SPPL2A: variants seen among roughly 807,000 people sequenced by gnomAD.
SPPL2A encodes signal peptide peptidase-like 2A.
SPPL2A carries 51 observed loss-of-function variants against 63.8 expected under a neutral mutation model. The observed-to-expected ratio is 0.80, with a 90% CI of 0.64 to 1.01. SPPL2A has a LOEUF of 1.01. Ranked by LOEUF, SPPL2A falls within the 50% of genes least tolerant of loss-of-function variation. The pLI, the probability that SPPL2A is intolerant of heterozygous loss-of-function variation, is 0.00. For missense variants in SPPL2A, 553 were observed against 622.7 expected, an observed-to-expected ratio of 0.89 and a Z score of 1.19; for synonymous variants, 188 against 205.8, an observed-to-expected ratio of 0.91 and a Z score of 0.74.
intron 2 of SPPL2A, among the ~76,000 whole-genome samples, 159 bp downstream of exon 2, chr15:50,749,475 AAG>A (rs2062888363): frequency 6.6e-6 from 1 of 152,070 alleles, no homozygotes; most frequent in East Asian, 1.9e-4. Context: ...TTTAGTAGAG[AAG>A]GGGTTTCACC....
chr15:50,761,813 G>C (rs2063013868), intron 1 of SPPL2A, among the ~76,000 whole-genome samples: 1 of 151,254 alleles, frequency 6.6e-6, no homozygotes, highest in Non-Finnish European at 1.5e-5. Flanking sequence ...ACGTGCACCT[G>C]TAATCCTACT....
intron 14 of SPPL2A, among the ~76,000 whole-genome samples, chr15:50,709,869 G>A (rs2062543184): frequency 6.6e-6 from 1 of 152,104 alleles, no homozygotes; most frequent in African/African-American, 2.4e-5. Flanking sequence ...ACCATTTTGA[G>A]GTCTTCTAAT....
chr15:50,732,858 G>A (rs1356274117), intron 8 of SPPL2A, among the ~76,000 whole-genome samples, 174 bp from the exon 9 acceptor site: 1 of 151,214 alleles, frequency 6.6e-6, no homozygotes, highest in Admixed American at 6.6e-5. Context: ...GCATGATCTC[G>A]GCTAACTGCA....
chr15:50,765,017 A>G (rs1217726435), intron 1 of SPPL2A, among the ~76,000 whole-genome samples: 9 of 152,078 alleles, frequency 5.9e-5, no homozygotes, highest in Non-Finnish European at 1.2e-4. Flanking sequence ...TAGTGCAATT[A>G]AAGTGCAGTC....
Position 50,748,196 on chromosome 15 carries a change from G to T in SPPL2A, c.367C>A (p.Pro123Thr). Residue 123 changes from proline (P) to threonine (T), a missense_variant, in exon 4 of 15, where the codon CCC (proline) becomes ACC (threonine). By Grantham distance (38) the Pro-to-Thr change is conservative. Coordinates refer to ENST00000261854, the MANE Select transcript of SPPL2A (RefSeq NM_032802.4). ...GGAAATTCAGATCTGTTACCTGAGGGAGGAAACTAAAAAAGAAAAAATTAT... is the reference window on the plus strand; with the variant it reads ...GGAAATTCAGATCTGTTACCTGAGGTAGGAAACTAAAAAAGAAAAAATTAT... The part of the protein sequence containing the change: ...LVVNNSVLFP[P>T]SGNRSEFPDV... 6 of 1,445,586 alleles carry T rather than the reference G, an allele frequency of 4.2e-6. No homozygotes were observed. Among genetic ancestry groups the T allele is most frequent in the African/African-American group, 1.5e-5 (1 of 68,292 alleles). The allele number at this position is 1,445,586 out of a possible 1,614,324, so 89.5% of individuals were successfully genotyped here.
At chr15:50,713,440 T>C (rs2062575867) in intron 14 of SPPL2A, among the ~76,000 whole-genome samples, 1 of 151,930 alleles carries the variant, frequency 6.6e-6, no homozygotes, top group Non-Finnish European at 1.5e-5. Context: ...AATTTTTGTA[T>C]TTTTAGTAGA....
chr15:50,765,542 TG>T lies in SPPL2A; in HGVS notation c.-10del. 1 of 1,489,268 alleles carries T rather than the reference TG, an allele frequency of 6.7e-7. No individual in the cohort carries two copies. Among genetic ancestry groups the T allele is most frequent in the Non-Finnish European group, 8.9e-7 (1 of 1,127,272 alleles). The allele number at this position is 1,489,268 out of a possible 1,614,324, so 92.3% of individuals were successfully genotyped here. On this transcript the variant is annotated 5_prime_UTR_variant, in exon 1 of 15. Transcript: ENST00000261854. ...CGCCGCTGCGGCCCCATCGGACTGGTGGGTGCCGGGTGGGACGGCACGGTGC... is the reference window on the plus strand; with the variant it reads ...CGCCGCTGCGGCCCCATCGGACTGGTGGTGCCGGGTGGGACGGCACGGTGC...
chr15:50,744,733 T>C (rs1324717853), intron 5 of SPPL2A, among the ~76,000 whole-genome samples: 1 of 152,224 alleles, frequency 6.6e-6, no homozygotes, highest in Non-Finnish European at 1.5e-5. Flanking sequence ...TGAGTCTTTT[T>C]GTTTAAACTG....
At chr15:50,718,995 G>A (rs2062622188) in intron 14 of SPPL2A, among the ~76,000 whole-genome samples, 1 of 152,024 alleles carries the variant, frequency 6.6e-6, no homozygotes, top group African/African-American at 2.4e-5. Flanking sequence ...CCATGGCCCT[G>A]ACCTCAATAG....
chr15:50,744,922 CT>C (rs1037910413), intron 5 of SPPL2A, among the ~76,000 whole-genome samples: 10 of 152,128 alleles, frequency 6.6e-5, no homozygotes, highest in African/African-American at 2.2e-4. Flanking sequence ...ATCATTTCCC[CT>C]AATCTGCATA....
chr15:50,704,588 G>A lies in SPPL2A; in HGVS notation c.*3212C>T, dbSNP rs1218536059. On this transcript the variant is annotated 3_prime_UTR_variant, in exon 15 of 15. Transcript: ENST00000261854. ...CAGTGTATCATTATTTTAAAGACATGTTTAGGGAAAAAACCAGCTTCTCTT... is the reference window on the plus strand; with the variant it reads ...CAGTGTATCATTATTTTAAAGACATATTTAGGGAAAAAACCAGCTTCTCTT... 6.6e-6 allele frequency: 1 copy of A among 151,610 alleles called. No homozygotes were observed. The highest frequency in any genetic ancestry group is 1.5e-5 in the Non-Finnish European group (1 of 67,926). 9.4% of individuals were successfully genotyped at this position (151,610 alleles called of 1,614,324 possible).
chr15:50,717,975 T>TG (rs1191034853), intron 14 of SPPL2A, among the ~76,000 whole-genome samples: 2 of 123,534 alleles, frequency 1.6e-5, no homozygotes, highest in East Asian at 4.6e-4. Flanking sequence ...TTCGTTTTTT[T>TG]TTTTTTTTTT....
chr15:50,705,328 A>C lies in SPPL2A; in HGVS notation c.*2472T>G, dbSNP rs2141012913. The stretch of plus-strand genomic sequence containing the variant: ...GCACTCCAGCCTGGGTGACAGAGGG[A>C]GACTCCATTTCCAAAAAAAAAAAAA... On this transcript the variant is annotated 3_prime_UTR_variant, in exon 15 of 15. Coordinates refer to ENST00000261854, the MANE Select transcript of SPPL2A (RefSeq NM_032802.4). 7.1e-6 allele frequency: 1 copy of C among 141,136 alleles called. No homozygotes were observed. Among genetic ancestry groups the C allele is most frequent in the South Asian group, 2.4e-4 (1 of 4,198 alleles). The allele number at this position is 141,136 out of a possible 1,614,324, so 8.7% of individuals were successfully genotyped here. A position where few individuals can be genotyped will look rare whatever the true frequency, so the allele number is the denominator to read the frequency against.
chr15:50,747,744 G>A (rs2062870295), intron 4 of SPPL2A, 116 bp from the exon 5 acceptor site: 2 of 716,590 alleles, frequency 2.8e-6, no homozygotes, highest in Admixed American at 2.8e-5. Context: ...CAGTCAAGAA[G>A]ACTAGAATTA....
chr15:50,705,850 T>G lies in SPPL2A; in HGVS notation c.*1950A>C, dbSNP rs570828015. ...TTGAACTGGCCTTAGATGAAAGATA[T>G]AGTTCTGTTCACATATTTTATACAT... On this transcript the variant is annotated 3_prime_UTR_variant, in exon 15 of 15. Transcript: ENST00000261854. The G allele has an allele frequency of 6.6e-6, 1 of 152,192 alleles. No homozygotes were observed. The highest frequency in any genetic ancestry group is 1.5e-5 in the Non-Finnish European group (1 of 68,030). 9.4% of individuals were successfully genotyped at this position (152,192 alleles called of 1,614,324 possible). A position where few individuals can be genotyped will look rare whatever the true frequency, so the allele number is the denominator to read the frequency against.
chr15:50,765,124 C>A (rs1165895484), intron 1 of SPPL2A, among the ~76,000 whole-genome samples: 1 of 152,018 alleles, frequency 6.6e-6, no homozygotes. Context: ...ACCCAGAGGT[C>A]AATTTTAAAT....
chr15:50,723,764 C>G (rs1162290083), intron 12 of SPPL2A, among the ~76,000 whole-genome samples: 1 of 152,218 alleles, frequency 6.6e-6, no homozygotes, highest in East Asian at 1.9e-4. Context: ...GCATGAGCCG[C>G]CAAGCTCGGC....
intron 8 of SPPL2A, 85 bp from the exon 9 acceptor site, chr15:50,732,769 T>A: frequency 2.6e-6 from 2 of 778,974 alleles, no homozygotes; most frequent in Non-Finnish European, 4.3e-6. Context: ...GGTAATATCA[T>A]TTAATTGCTA....
rs118053549 is a variant in SPPL2A, at chr15:50,726,381, A to C, written c.1090-4T>G. 20,551 of 1,612,982 alleles carry C rather than the reference A, an allele frequency of 0.013. 190 individuals carry two copies. Among genetic ancestry groups the C allele is most frequent in the Middle Eastern group, 0.015 (88 of 6,058 alleles). On this transcript the variant is annotated splice_polypyrimidine_tract_variant and splice_region_variant and intron_variant, in intron 10 of 14. Transcript: ENST00000261854. ...CAACCATGATACTCTCACCATTCTA[A>C]AATTGAGAAGGAAAAGAAGTTGTCT...
Sources: gnomAD v4.1 joint callset for allele counts (sites outside exome capture counted in the v4.1 genomes callset) on GRCh38, gnomAD v4.1.1 for gene constraint, MANE v1.5 for transcripts, NCBI Gene and HGNC (gene_info 2026-07-23, HGNC 2026-07-21) for gene names.